NDUFAF2: variants seen among roughly 807,000 people sequenced by gnomAD.
NDUFAF2 encodes NADH dehydrogenase [ubiquinone] 1 alpha subcomplex assembly factor 2.
Under a neutral mutation model 22.8 loss-of-function variants are expected in NDUFAF2, and 13 were observed. The observed-to-expected ratio is 0.57, with a 90% confidence interval of 0.37 to 0.91. NDUFAF2 has a LOEUF of 0.91. Ranked by LOEUF, NDUFAF2 falls within the 40% of genes least tolerant of loss-of-function variation. The pLI is 0.01. For missense variants in NDUFAF2, 162 were observed against 195.2 expected, an observed-to-expected ratio of 0.83 and a Z score of 1.01; for synonymous variants, 53 against 64.2, an observed-to-expected ratio of 0.83 and a Z score of 0.84.
At chr5:61,004,987 T>C (rs1751347222) in intron 1 of NDUFAF2, among the ~76,000 whole-genome samples, 1 of 152,160 alleles carries the variant, frequency 6.6e-6, no homozygotes, top group Admixed American at 6.5e-5. Flanking sequence ...GTGCACAATA[T>C]GCAGGTTTGT....
intron 1 of NDUFAF2, among the ~76,000 whole-genome samples, chr5:61,055,202 A>G (rs1752072971): frequency 6.6e-6 from 1 of 152,222 alleles, no homozygotes; most frequent in Non-Finnish European, 1.5e-5. Flanking sequence ...TAATATGGCA[A>G]GTTTCCCAAC....
At chr5:61,134,900 A>G (rs1740895168) in intron 3 of NDUFAF2, among the ~76,000 whole-genome samples, 1 of 152,070 alleles carries the variant, frequency 6.6e-6, no homozygotes, top group Non-Finnish European at 1.5e-5. Context: ...TCTTACTATC[A>G]TTCCCAATTC....
intron 1 of NDUFAF2, among the ~76,000 whole-genome samples, chr5:61,051,288 G>A (rs1191078849): frequency 6.6e-6 from 1 of 152,020 alleles, no homozygotes; most frequent in Non-Finnish European, 1.5e-5. Context: ...TATTTTTCCT[G>A]TGTGGTATCA....
chr5:61,101,207 A>T (rs1022092377), intron 3 of NDUFAF2, among the ~76,000 whole-genome samples: 4 of 152,116 alleles, frequency 2.6e-5, no homozygotes, highest in Non-Finnish European at 4.4e-5. Flanking sequence ...TAAGCTGTGA[A>T]ATTATAAGGC....
intron 1 of NDUFAF2, among the ~76,000 whole-genome samples, chr5:60,955,801 T>TG (rs1303756236): frequency 2.6e-5 from 4 of 152,184 alleles, no homozygotes; most frequent in African/African-American, 9.7e-5. Flanking sequence ...TTCCTTAGTT[T>TG]GTTGCTAAAT....
chr5:60,946,965 T>C (rs1219052862), intron 1 of NDUFAF2, among the ~76,000 whole-genome samples: 2 of 152,222 alleles, frequency 1.3e-5, no homozygotes, highest in Admixed American at 1.3e-4. Flanking sequence ...CAGTAGTTGT[T>C]CCTTTTTATT....
intron 1 of NDUFAF2, among the ~76,000 whole-genome samples, chr5:61,052,345 C>G (rs1208085373): frequency 6.6e-6 from 1 of 152,178 alleles, no homozygotes; most frequent in Non-Finnish European, 1.5e-5. Context: ...GAGTCTTGCT[C>G]TGTCGCCCAG....
At chr5:61,003,179 T>C (rs1751319281) in intron 1 of NDUFAF2, among the ~76,000 whole-genome samples, 1 of 152,136 alleles carries the variant, frequency 6.6e-6, no homozygotes, top group African/African-American at 2.4e-5. Flanking sequence ...TGGCATTCTG[T>C]TGAATGCACA....
chr5:60,962,678 A>C (rs1750704837), intron 1 of NDUFAF2, among the ~76,000 whole-genome samples: 1 of 151,702 alleles, frequency 6.6e-6, no homozygotes, highest in Non-Finnish European at 1.5e-5. Context: ...TAAAAAATAC[A>C]AAAAATTAGC....
chr5:60,972,530 G>A (rs1750848614), intron 1 of NDUFAF2, among the ~76,000 whole-genome samples: 1 of 151,956 alleles, frequency 6.6e-6, no homozygotes, highest in South Asian at 2.1e-4. Flanking sequence ...TCTTTTCTGA[G>A]GCCTCCCAGG....
intron 1 of NDUFAF2, among the ~76,000 whole-genome samples, chr5:60,967,863 G>A (rs1750778348): frequency 6.6e-6 from 1 of 150,474 alleles, no homozygotes; most frequent in African/African-American, 2.4e-5. Flanking sequence ...TATGAAATGA[G>A]CTTGGATGTT....
intron 1 of NDUFAF2, among the ~76,000 whole-genome samples, chr5:60,979,943 C>G (rs1370666491): frequency 6.6e-6 from 1 of 152,074 alleles, no homozygotes; most frequent in South Asian, 2.1e-4. Flanking sequence ...TTACCTCTCC[C>G]CCAGCTCCAG....
intron 1 of NDUFAF2, among the ~76,000 whole-genome samples, chr5:60,979,833 C>A (rs1240926225): frequency 6.6e-6 from 1 of 152,158 alleles, no homozygotes; most frequent in East Asian, 1.9e-4. Context: ...ATGGGGTAGC[C>A]AGGCATTGGT....
In NDUFAF2 at chr5:60,971,523, G is replaced by A. The variant is rs1261459083; in HGVS notation, c.127+26141G>A. The stretch of plus-strand genomic sequence containing the variant: ...AGGATGGTCTCGATCTCCTGACCTC[G>A]TGATCCGCCCGCCTCGGCCTCCCAA... On this transcript the variant is annotated intron_variant, in intron 1 of 3. Coordinates refer to ENST00000296597, the MANE Select transcript of NDUFAF2 (RefSeq NM_174889.5). Among the ~76,000 whole-genome samples, 7 of 151,960 alleles carry A rather than the reference G, an allele frequency of 4.6e-5. No individual in the cohort carries two copies. The East Asian group carries it at 5.9e-4, about 13-fold the overall frequency.
At chr5:60,994,041 C>T (rs1257641606) in intron 1 of NDUFAF2, among the ~76,000 whole-genome samples, 2 of 152,206 alleles carry the variant, frequency 1.3e-5, no homozygotes, top group African/African-American at 4.8e-5. Flanking sequence ...GCTGAGCTGC[C>T]CTCAGTCCCC....
intron 1 of NDUFAF2, among the ~76,000 whole-genome samples, chr5:61,015,509 T>A (rs1414432602): frequency 1.3e-5 from 2 of 152,100 alleles, no homozygotes; most frequent in African/African-American, 4.8e-5. Context: ...CTTGAACTCC[T>A]GACCTCAAGT....
chr5:61,131,190 CT>C (rs1392458007), intron 3 of NDUFAF2, among the ~76,000 whole-genome samples: 2 of 150,380 alleles, frequency 1.3e-5, no homozygotes, highest in African/African-American at 2.4e-5. Flanking sequence ...TTGATGTTAA[CT>C]TTTTTTTCTT....
At chr5:61,148,227 C>T (rs60328915) in intron 3 of NDUFAF2, among the ~76,000 whole-genome samples, 6 of 152,106 alleles carry the variant, frequency 3.9e-5, no homozygotes, top group Non-Finnish European at 8.8e-5. Context: ...TAATGTGTCT[C>T]CAGCCAGAAA....
rs186184011 is a variant in NDUFAF2 at position 61,082,076 on chromosome 5, A to G, written c.217+8862A>G. Among the ~76,000 whole-genome samples the G allele has an allele frequency of 1.0e-3, 157 of 152,358 alleles. 2 individuals carry two copies. Among genetic ancestry groups the G allele is most frequent in the African/African-American group, 3.7e-3 (153 of 41,588 alleles). On this transcript the variant is annotated intron_variant, in intron 2 of 3. Coordinates refer to ENST00000296597, the MANE Select transcript of NDUFAF2 (RefSeq NM_174889.5). ...CCCCAAAGCAAAGATAAACTAGAGAAGATATAGCCTCAGCAGTAAATGACC... is the reference window on the plus strand; with the variant it reads ...CCCCAAAGCAAAGATAAACTAGAGAGGATATAGCCTCAGCAGTAAATGACC...
Sources: gnomAD v4.1 joint callset for allele counts (sites outside exome capture counted in the v4.1 genomes callset) on GRCh38, gnomAD v4.1.1 for gene constraint, MANE v1.5 for transcripts, NCBI Gene and HGNC (gene_info 2026-07-23, HGNC 2026-07-21) for gene names.